TRPM3: variants seen among roughly 807,000 people sequenced by gnomAD.
TRPM3 encodes the protein transient receptor potential cation channel subfamily M member 3.
In TRPM3, 77 loss-of-function variants were observed where a neutral mutation model predicts 181.2. The ratio of observed to expected loss-of-function variants is 0.42; its 90% CI spans 0.35 to 0.51. The LOEUF (loss-of-function observed/expected upper bound fraction) is 0.51. Among genes scored for constraint, TRPM3 ranks in the 20% least tolerant of loss-of-function variants. TRPM3 has a pLI of 0.01. For missense variants in TRPM3, 1,759 were observed against 2,196.7 expected, an observed-to-expected ratio of 0.80 and a Z score of 3.98; for synonymous variants, 745 against 796.4, an observed-to-expected ratio of 0.94 and a Z score of 1.09.
rs141022743 is a variant in TRPM3 at position 70,572,446 on chromosome 9, G to A, written c.3223+18585C>T. On this transcript the variant is annotated intron_variant, in intron 22 of 25. Coordinates refer to ENST00000677713, the MANE Select transcript of TRPM3 (RefSeq NM_001366145.2). The stretch of plus-strand genomic sequence containing the variant: ...TCCAAACTTGATACAAATTTCATTA[G>A]TTTTCCACTAAAATTCTTTTTCTCT... Among the ~76,000 whole-genome samples the A allele has an allele frequency of 9.9e-5, 15 of 152,214 alleles. No individual in the cohort carries two copies. In the East Asian group the frequency reaches 2.9e-3, roughly 29 times the overall value.
chr9:71,404,635 T>C (rs1816359), intron 1 of TRPM3, among the ~76,000 whole-genome samples: 150,721 of 152,252 alleles, frequency 0.99, 74,631 homozygotes, highest in East Asian at 1. Flanking sequence ...TCCTCTCCAC[T>C]AACCCATTCT....
intron 1 of TRPM3, among the ~76,000 whole-genome samples, chr9:70,957,931 C>T (rs969105244): frequency 5.9e-5 from 9 of 152,144 alleles, no homozygotes; most frequent in African/African-American, 2.2e-4. Flanking sequence ...TGTGCTTTGC[C>T]TTTGGAACCT....
intron 22 of TRPM3, among the ~76,000 whole-genome samples, chr9:70,588,781 G>A (rs1428468935): frequency 6.6e-6 from 1 of 152,194 alleles, no homozygotes; most frequent in Non-Finnish European, 1.5e-5. Context: ...ACCAGCTAGG[G>A]CAGTCACCCA....
At chr9:70,776,942 C>A (rs893237750) in intron 7 of TRPM3, among the ~76,000 whole-genome samples, 2 of 152,176 alleles carry the variant, frequency 1.3e-5, no homozygotes, top group African/African-American at 2.4e-5. Context: ...GCATCAAAGT[C>A]AGGATATTTA....
Position 70,549,610 on chromosome 9 carries a change from T to A in TRPM3, c.3639A>T (p.Glu1213Asp). The change falls in exon 25 of 26, where the codon GAA (glutamate) becomes GAT (aspartate). Residue 1213 changes from glutamate to aspartate, a missense_variant. By Grantham distance (45) the Glu-to-Asp change is conservative. Coordinates refer to ENST00000677713, the MANE Select transcript of TRPM3 (RefSeq NM_001366145.2). The part of the protein sequence containing the change: ...VHDFEEQCIE[E>D]YFREKDDRFN... ...ACCGATCATCCTTTTCTCTGAAGTA[T>A]TCTTCTATGCATTGCTCTTCAAAGT... 6.2e-7 allele frequency: 1 copy of A among 1,613,702 alleles called. No homozygotes were observed. Among genetic ancestry groups the A allele is most frequent in the Non-Finnish European group, 8.5e-7 (1 of 1,179,914 alleles).
At chr9:70,991,102 A>G (rs1036457305) in intron 1 of TRPM3, among the ~76,000 whole-genome samples, 2 of 152,148 alleles carry the variant, frequency 1.3e-5, no homozygotes, top group African/African-American at 4.8e-5. Flanking sequence ...CCCTTCCTTC[A>G]GCCTCAAAAT....
chr9:70,643,546 C>T (rs1357201690), intron 9 of TRPM3, among the ~76,000 whole-genome samples: 4 of 152,124 alleles, frequency 2.6e-5, no homozygotes, highest in Non-Finnish European at 5.9e-5. Flanking sequence ...CAAGAATGGC[C>T]GTGGGTGACA....
intron 9 of TRPM3, among the ~76,000 whole-genome samples, chr9:70,647,876 A>C (rs939798488): frequency 8.5e-5 from 13 of 152,252 alleles, no homozygotes; most frequent in African/African-American, 3.1e-4. Flanking sequence ...TATAAAAATC[A>C]GTAGTATTCT....
chr9:71,094,308 C>T (rs949081710), intron 1 of TRPM3, among the ~76,000 whole-genome samples: 7 of 151,876 alleles, frequency 4.6e-5, no homozygotes, highest in Non-Finnish European at 8.8e-5. Context: ...TATTTGGTTG[C>T]CTCCATTTGC....
rs2041535621 is a variant in TRPM3, at chr9:70,535,637, T to A, written c.*316A>T. 3 of 1,449,410 alleles carry A rather than the reference T, an allele frequency of 2.1e-6. No individual in the cohort carries two copies. Among genetic ancestry groups the A allele is most frequent in the Non-Finnish European group, 2.7e-6 (3 of 1,109,038 alleles). The allele number at this position is 1,449,410 out of a possible 1,614,324, so 89.8% of individuals were successfully genotyped here. ...TGGAGCGTGCTCGAAGCCCCTTGTT[T>A]CCCCTGCTCTCATGGCTTTCTGCTG... On this transcript the variant is annotated 3_prime_UTR_variant, in exon 26 of 26. Coordinates refer to ENST00000677713, the MANE Select transcript of TRPM3 (RefSeq NM_001366145.2).
At chr9:71,190,037 T>A (rs1386448428) in intron 1 of TRPM3, among the ~76,000 whole-genome samples, 1 of 151,902 alleles carries the variant, frequency 6.6e-6, no homozygotes, top group African/African-American at 2.4e-5. Context: ...GTCACTTTTA[T>A]ATATTTCAAG....
At chr9:71,397,476 TACA>T (rs1565532365) in intron 1 of TRPM3, among the ~76,000 whole-genome samples, 1 of 152,194 alleles carries the variant, frequency 6.6e-6, no homozygotes, top group Non-Finnish European at 1.5e-5. Flanking sequence ...GAATGTTATA[TACA>T]ACATCACAGT....
intron 12 of TRPM3, among the ~76,000 whole-genome samples, chr9:70,634,138 C>G (rs1012213129): frequency 6.6e-6 from 1 of 152,154 alleles, no homozygotes; most frequent in Non-Finnish European, 1.5e-5. Context: ...TTGATGGAAT[C>G]TCACTCTGTT....
intron 1 of TRPM3, among the ~76,000 whole-genome samples, chr9:71,355,011 C>T (rs1211313195): frequency 6.6e-6 from 1 of 152,198 alleles, no homozygotes; most frequent in Non-Finnish European, 1.5e-5. Context: ...CTTTGAGCTG[C>T]TAACCTTTCT....
rs190362214 is a variant in TRPM3, at chr9:70,546,319, T to G, written c.3707+3223A>C. Among the ~76,000 whole-genome samples the G allele has an allele frequency of 3.0e-3, 464 of 152,310 alleles. 3 individuals carry two copies. Among genetic ancestry groups the G allele is most frequent in the African/African-American group, 0.011 (437 of 41,558 alleles). On this transcript the variant is annotated intron_variant, in intron 25 of 25. Coordinates refer to ENST00000677713, the MANE Select transcript of TRPM3 (RefSeq NM_001366145.2). ...TAGAAGTGCAATTTTCAGGCCTTAC[T>G]GCAGATCTAGTGACAGAAACTCTAG...
At chr9:71,014,414 A>G (rs1178967871) in intron 1 of TRPM3, among the ~76,000 whole-genome samples, 3 of 152,220 alleles carry the variant, frequency 2.0e-5, no homozygotes, top group African/African-American at 7.2e-5. Context: ...CTTGTTATAT[A>G]GAACTTTTAT....
intron 1 of TRPM3, among the ~76,000 whole-genome samples, chr9:71,299,168 C>T (rs1304801364): frequency 6.6e-6 from 1 of 152,158 alleles, no homozygotes; most frequent in Non-Finnish European, 1.5e-5. Flanking sequence ...ACTGCATTCT[C>T]TTTGCAACTG....
chr9:70,879,018 A>G (rs925801315), intron 1 of TRPM3, among the ~76,000 whole-genome samples: 2 of 152,100 alleles, frequency 1.3e-5, no homozygotes, highest in African/African-American at 4.8e-5. Context: ...ACATTGGTCT[A>G]ATTATTTTCA....
chr9:71,226,346 T>A (rs1042816277), intron 1 of TRPM3, among the ~76,000 whole-genome samples: 3 of 151,746 alleles, frequency 2.0e-5, no homozygotes, highest in African/African-American at 7.3e-5. Flanking sequence ...ATAATAAGAT[T>A]GAATATAAAT....
Sources: gnomAD v4.1 joint callset for allele counts (sites outside exome capture counted in the v4.1 genomes callset) on GRCh38, gnomAD v4.1.1 for gene constraint, MANE v1.5 for transcripts, NCBI Gene and HGNC (gene_info 2026-07-23, HGNC 2026-07-21) for gene names.